Variants in TGM6 observed in about 807,000 individuals in gnomAD.
The protein encoded by TGM6 is transglutaminase 6, also known as protein-glutamine gamma-glutamyltransferase 6.
TGM6 carries 74 observed loss-of-function variants against 77.5 expected under a neutral mutation model. The observed-to-expected ratio is 0.96, with a 90% CI of 0.79 to 1.16. The LOEUF is 1.16. Ranked by LOEUF, TGM6 falls within the 50% of genes most tolerant of loss-of-function variation. The pLI, the probability that TGM6 is intolerant of heterozygous loss-of-function variation, is 0.00. For synonymous variants in TGM6, 383 were observed against 378.9 expected (o/e 1.01, Z -0.12); for missense variants, 968 against 940.2 (o/e 1.03, Z -0.39).
At chr20:2,407,004 A>G (rs2084757075) in intron 9 of TGM6, among the ~76,000 whole-genome samples, 1 of 152,160 alleles carries the variant, frequency 6.6e-6, no homozygotes, top group African/African-American at 2.4e-5. Context: ...CAAAGCCCTT[A>G]CCATGAGCTT....
chr20:2,399,753 A>T lies in TGM6; in HGVS notation c.850+15A>T. The T allele has an allele frequency of 6.2e-7, 1 of 1,610,888 alleles. No homozygotes were observed. The highest frequency in any genetic ancestry group is 8.5e-7 in the Non-Finnish European group (1 of 1,178,118). ...CCTGTGCACAGGTACCCTGGGAGAG[A>T]AGGGCCCCAGGGTACCTGTGCCCCC... is the stretch of plus-strand genomic sequence containing the variant. On this transcript the variant is annotated intron_variant, in intron 6 of 12. Transcript: ENST00000202625.
chr20:2,396,567 C>T lies in TGM6; in HGVS notation c.486C>T (p.Gly162=). 2 of 1,614,240 alleles carry T rather than the reference C, an allele frequency of 1.2e-6. No homozygotes were observed. Among genetic ancestry groups the T allele is most frequent in the Non-Finnish European group, 1.7e-6 (2 of 1,180,042 alleles). Residue 162 remains glycine (G), a synonymous_variant, in exon 4 of 13, where the codon GGC becomes GGT. Coordinates refer to ENST00000202625, the MANE Select transcript of TGM6 (RefSeq NM_198994.3). ...AGGAGTACGTGCTCAGCGACAGCGG[C>T]ATCATCTTCCGAGGCGTGGAGAAGC... ...ERQEYVLSDS[G]IIFRGVEKHI...
At chr20:2,415,622 A>G (rs559060312) in intron 9 of TGM6, among the ~76,000 whole-genome samples, 47 of 152,206 alleles carry the variant, frequency 3.1e-4, no homozygotes, top group Non-Finnish European at 6.0e-4. Context: ...GACAGATTCC[A>G]GAGCCTAAGG....
intron 7 of TGM6, among the ~76,000 whole-genome samples, chr20:2,400,656 G>C (rs779370381): frequency 1.3e-5 from 2 of 150,616 alleles, no homozygotes; most frequent in Non-Finnish European, 3.0e-5. Context: ...AGACTCAGAG[G>C]TCAGGAGGGG....
At position 2,432,751 on chromosome 20, in the gene TGM6, C is replaced by A; in HGVS notation, c.*108C>A. Reference sequence around the variant, plus strand: ...GAGGCCTCAGTTAATCCTGCCTCAACCTCTGCCCTACTTTGTAAACTTAGG... The same window carrying A: ...GAGGCCTCAGTTAATCCTGCCTCAAACTCTGCCCTACTTTGTAAACTTAGG... On this transcript the variant is annotated 3_prime_UTR_variant, in exon 13 of 13. Coordinates refer to ENST00000202625, the MANE Select transcript of TGM6 (RefSeq NM_198994.3). 1 of 1,499,358 alleles carries A rather than the reference C, an allele frequency of 6.7e-7. No homozygotes were observed. The highest frequency in any genetic ancestry group is 9.2e-7 in the Non-Finnish European group (1 of 1,083,698). 92.9% of individuals were successfully genotyped at this position (1,499,358 alleles called of 1,614,324 possible).
At chr20:2,381,997 C>CTG (rs10626299) in intron 1 of TGM6, among the ~76,000 whole-genome samples, 136,632 of 152,174 alleles carry the variant, frequency 0.9, 61,530 homozygotes, top group Middle Eastern at 0.93. Flanking sequence ...AAGAACTTGT[C>CTG]TTAGATGCTG....
intron 12 of TGM6, among the ~76,000 whole-genome samples, chr20:2,431,878 T>G (rs1395599662): frequency 6.6e-6 from 1 of 152,140 alleles, no homozygotes; most frequent in Non-Finnish European, 1.5e-5. Flanking sequence ...AGAACTTGAT[T>G]TGGGCCTTGG....
At chr20:2,398,326 C>T (rs1329668691) in intron 5 of TGM6, among the ~76,000 whole-genome samples, 1 of 152,284 alleles carries the variant, frequency 6.6e-6, no homozygotes, top group South Asian at 2.1e-4. Context: ...GATGGTTTAA[C>T]AGGACCTCTG....
rs576625576 is a variant in TGM6 at position 2,401,552 on chromosome 20, T to A, written c.989+1108T>A. On this transcript the variant is annotated intron_variant, in intron 7 of 12. Transcript: ENST00000202625. ...TCCTTATTTTCCATAATGTTTTAAG[T>A]AATAACGTAACACCCACCAAGCACC... Among the ~76,000 whole-genome samples the A allele has an allele frequency of 4.6e-5, 7 of 152,352 alleles. No individual in the cohort carries two copies. In the South Asian group the frequency reaches 1.0e-3, roughly 23 times the overall value.
At chr20:2,382,534 CCT>C (rs1280800925) in intron 1 of TGM6, among the ~76,000 whole-genome samples, 5 of 152,322 alleles carry the variant, frequency 3.3e-5, no homozygotes, top group African/African-American at 1.2e-4. Flanking sequence ...TTGCTGGGTT[CCT>C]CTCTCTGAAG....
In TGM6 at chr20:2,403,421, C is replaced by T; in HGVS notation, c.1014C>T (p.Ser338=). ...SMWNFHVWNE[S]WFARQDLGPS... ...GGAATTTCCATGTCTGGAATGAGAG[C>T]TGGTTTGCCCGGCAGGACCTAGGCC... is the stretch of plus-strand genomic sequence containing the variant. The change falls in exon 8 of 13, where the codon AGC becomes AGT. Residue 338 remains serine, a synonymous_variant. Transcript: ENST00000202625. 6.2e-7 allele frequency: 1 copy of T among 1,614,160 alleles called. No homozygotes were observed. The highest frequency in any genetic ancestry group is 8.5e-7 in the Non-Finnish European group (1 of 1,180,032).
intron 9 of TGM6, among the ~76,000 whole-genome samples, chr20:2,416,369 T>C (rs1874017655): frequency 2.0e-5 from 3 of 152,208 alleles, no homozygotes; most frequent in Admixed American, 1.3e-4. Flanking sequence ...TTATGTTCAA[T>C]TGATTTCTAC....
intron 5 of TGM6, 91 bp downstream of exon 5, chr20:2,398,137 C>G: frequency 6.2e-7 from 1 of 1,604,502 alleles, no homozygotes; most frequent in Non-Finnish European, 8.5e-7. Flanking sequence ...CCCATCACCC[C>G]TTGTTTTAAT....
chr20:2,415,339 G>A (rs1363320591), intron 9 of TGM6, among the ~76,000 whole-genome samples: 1 of 152,108 alleles, frequency 6.6e-6, no homozygotes, highest in African/African-American at 2.4e-5. Context: ...GTTTCAAATA[G>A]GGAAGGAGAA....
Position 2,400,400 on chromosome 20 carries a change from C to A in TGM6, c.945C>A (p.Asp315Glu), listed in dbSNP as rs947977404. ...DQNLSVDKYV[D>E]SFGRTLEDLT... ...ACCTGAGTGTGGACAAATACGTGGA[C>A]TCCTTCGGGCGGACCCTGGAGGACC... is the stretch of plus-strand genomic sequence containing the variant. The change falls in exon 7 of 13, where the codon GAC becomes GAA. Residue 315 changes from aspartate to glutamate, a missense_variant. Transcript: ENST00000202625. The A allele has an allele frequency of 1.9e-6, 3 of 1,614,218 alleles. No individual in the cohort carries two copies. The African/African-American group carries it at 4.0e-5, about 22-fold the overall frequency.
At chr20:2,396,432 C>A in intron 3 of TGM6, 74 bp from the exon 4 acceptor site, 3 of 1,478,972 alleles carry the variant, frequency 2.0e-6, no homozygotes, top group Non-Finnish European at 2.8e-6. Context: ...GCTGCTGATC[C>A]CTGATGCAGC....
intron 3 of TGM6, 46 bp downstream of exon 3, chr20:2,395,482 C>T (rs1207541449): frequency 6.2e-7 from 1 of 1,614,016 alleles, no homozygotes; most frequent in Non-Finnish European, 8.5e-7. Context: ...AAAAGACATC[C>T]TTAGAGGAGA....
intron 9 of TGM6, among the ~76,000 whole-genome samples, chr20:2,413,644 AG>A: frequency 6.6e-6 from 1 of 152,216 alleles, no homozygotes; most frequent in African/African-American, 2.4e-5. Flanking sequence ...CACATGCAAA[AG>A]AATGAAGTTG....
Position 2,386,235 on chromosome 20 carries a change from C to T in TGM6, c.7+5260C>T, listed in dbSNP as rs2084595122. On this transcript the variant is annotated intron_variant, in intron 1 of 12. Coordinates refer to ENST00000202625, the MANE Select transcript of TGM6 (RefSeq NM_198994.3). Reference sequence around the variant, plus strand: ...CCCCCTGCAGAATCCTGGACCCCAGCCCCGGCTATTACACCACATATGGCA... The same window carrying T: ...CCCCCTGCAGAATCCTGGACCCCAGTCCCGGCTATTACACCACATATGGCA... 4.6e-5 allele frequency among the ~76,000 whole-genome samples: 7 copies of T among 152,130 alleles called. No homozygotes were observed. The South Asian group carries it at 1.5e-3, about 32-fold the overall frequency.
Sources: allele counts gnomAD v4.1 joint callset (sites outside exome capture counted in the v4.1 genomes callset), GRCh38; gene constraint gnomAD v4.1.1; transcripts MANE v1.5; gene names NCBI Gene and HGNC (gene_info 2026-07-23, HGNC 2026-07-21).